The following RHEX variants were observed in gnomAD, a reference collection of about 807,000 sequenced individuals.
RHEX encodes regulator of hemoglobinization and erythroid cell expansion protein.
In RHEX, 18 loss-of-function variants were observed where a neutral mutation model predicts 20.1. That is an observed-to-expected ratio of 0.90 (90% CI 0.62 to 1.33). The LOEUF (loss-of-function observed/expected upper bound fraction) is 1.33. Among genes scored for constraint, RHEX ranks in the 40% most tolerant of loss-of-function variants. The pLI, the probability that RHEX is intolerant of heterozygous loss-of-function variation, is 0.00. For missense variants in RHEX, 192 were observed against 214.3 expected, an observed-to-expected ratio of 0.90 and a Z score of 0.65; for synonymous variants, 87 against 77.1, an observed-to-expected ratio of 1.13 and a Z score of -0.67.
At chr1:206,083,004 G>T (rs558089885) in intron 1 of RHEX, among the ~76,000 whole-genome samples, 18 of 152,172 alleles carry the variant, frequency 1.2e-4, no homozygotes, top group Non-Finnish European at 2.4e-4. Context: ...AGCCATTTTT[G>T]GTTGGCCTCA....
intron 1 of RHEX, among the ~76,000 whole-genome samples, chr1:206,096,462 C>T (rs1553287669): frequency 6.6e-6 from 1 of 152,272 alleles, no homozygotes; most frequent in East Asian, 1.9e-4. Flanking sequence ...TCATTTCTTT[C>T]ACGATACAAT....
At chr1:206,058,416 T>C (rs192031975) in intron 1 of RHEX, among the ~76,000 whole-genome samples, 1 of 152,342 alleles carries the variant, frequency 6.6e-6, no homozygotes, top group African/African-American at 2.4e-5. Flanking sequence ...AGTGAGAGTC[T>C]CAAAGAGGGG....
intron 1 of RHEX, among the ~76,000 whole-genome samples, chr1:206,090,100 A>C (rs1404744552): frequency 1.3e-5 from 2 of 151,506 alleles, no homozygotes. Flanking sequence ...AACTACTCTT[A>C]TAACATTTAT....
At chr1:206,084,446 A>G (rs1455310982) in intron 1 of RHEX, among the ~76,000 whole-genome samples, 1 of 152,202 alleles carries the variant, frequency 6.6e-6, no homozygotes, top group Admixed American at 6.5e-5. Flanking sequence ...TTTCCAGTTG[A>G]AGAAACTGAG....
At chr1:206,054,325 T>C (rs1488787328) in intron 1 of RHEX, among the ~76,000 whole-genome samples, 3 of 152,240 alleles carry the variant, frequency 2.0e-5, no homozygotes, top group Non-Finnish European at 4.4e-5. Flanking sequence ...CAAAAAATGT[T>C]GTATAATTTA....
At chr1:206,068,202 G>A (rs1662465854) in intron 1 of RHEX, among the ~76,000 whole-genome samples, 1 of 152,142 alleles carries the variant, frequency 6.6e-6, no homozygotes, top group Admixed American at 6.5e-5. Context: ...CGTATTATGT[G>A]GTTACCTGTT....
At chr1:206,100,567 C>T (rs1305408075) in intron 4 of RHEX, among the ~76,000 whole-genome samples, 1 of 152,220 alleles carries the variant, frequency 6.6e-6, no homozygotes, top group African/African-American at 2.4e-5. Flanking sequence ...CTTACCCTAA[C>T]CCCTGGCCCC....
intron 1 of RHEX, among the ~76,000 whole-genome samples, chr1:206,091,930 T>G (rs1258206435): frequency 6.6e-6 from 1 of 152,136 alleles, no homozygotes; most frequent in Non-Finnish European, 1.5e-5. Context: ...GAATAATAAT[T>G]ATGTGTTCCT....
At chr1:206,057,255 C>T (rs1662211600) in intron 1 of RHEX, among the ~76,000 whole-genome samples, 1 of 152,266 alleles carries the variant, frequency 6.6e-6, no homozygotes, top group African/African-American at 2.4e-5. Flanking sequence ...GGAACCGTAA[C>T]AGGAGATCAA....
chr1:206,068,972 G>A (rs1553284420), intron 1 of RHEX, among the ~76,000 whole-genome samples: 4 of 152,202 alleles, frequency 2.6e-5, no homozygotes, highest in African/African-American at 7.2e-5. Flanking sequence ...CCCAGAAAGG[G>A]TGCAGAGTAG....
At chr1:206,064,624 C>T (rs1455066578) in intron 1 of RHEX, among the ~76,000 whole-genome samples, 4 of 145,278 alleles carry the variant, frequency 2.8e-5, no homozygotes, top group Non-Finnish European at 3.0e-5. Context: ...CCCCTCTGCC[C>T]GGCCGGCCGC....
intron 4 of RHEX, 58 bp from the exon 5 acceptor site, chr1:206,101,078 C>A: frequency 7.3e-7 from 1 of 1,369,646 alleles, no homozygotes; most frequent in Non-Finnish European, 1.0e-6. Context: ...TTGTCTCTAT[C>A]CTCTCTTAAC....
intron 1 of RHEX, among the ~76,000 whole-genome samples, chr1:206,094,504 G>A (rs1571872220): frequency 6.6e-6 from 1 of 152,218 alleles, no homozygotes; most frequent in Non-Finnish European, 1.5e-5. Flanking sequence ...ATTGTATAAA[G>A]GTCTTTACAA....
chr1:206,076,076 C>A (rs999615979), intron 1 of RHEX, among the ~76,000 whole-genome samples: 1 of 151,920 alleles, frequency 6.6e-6, no homozygotes, highest in African/African-American at 2.4e-5. Flanking sequence ...CTGCGAGAAG[C>A]AAAAACTTGT....
At chr1:206,095,940 A>C (rs1294038183) in intron 1 of RHEX, among the ~76,000 whole-genome samples, 1 of 151,778 alleles carries the variant, frequency 6.6e-6, no homozygotes. Flanking sequence ...TGATCCTCCC[A>C]CCTCAGCCTC....
chr1:206,058,910 A>G (rs1255817719), intron 1 of RHEX, among the ~76,000 whole-genome samples: 1 of 152,088 alleles, frequency 6.6e-6, no homozygotes, highest in African/African-American at 2.4e-5. Context: ...TCGTCCTGCT[A>G]CAACTGGACT....
Position 206,102,263 on chromosome 1 carries a change from A to G in RHEX, c.*311A>G, listed in dbSNP as rs527698500. The G allele has an allele frequency of 3.2e-4, 120 of 380,126 alleles. 1 individual carries two copies. In the South Asian group the frequency reaches 3.7e-3, roughly 12 times the overall value. 23.5% of individuals were successfully genotyped at this position (380,126 alleles called of 1,614,324 possible). On this transcript the variant is annotated 3_prime_UTR_variant, in exon 6 of 6. Transcript: ENST00000331555. ...AAGAACTTTCAGGTAAAGTATGAGA[A>G]CTATGGAGTCCATCAGCAGAGATAG...
intron 1 of RHEX, chr1:206,083,603 C>T: frequency 1.0e-6 from 1 of 985,454 alleles, no homozygotes; most frequent in African/African-American, 1.7e-5. Flanking sequence ...TCCGTTAGGA[C>T]ATCGCTGAAA....
intron 3 of RHEX, 45 bp from the exon 4 acceptor site, chr1:206,099,610 C>A (rs782523456): frequency 6.3e-7 from 1 of 1,597,112 alleles, no homozygotes; most frequent in Admixed American, 1.7e-5. Flanking sequence ...TGAGCTACTG[C>A]GCCTGGCCAG....
Sources: allele counts gnomAD v4.1 joint callset (sites outside exome capture counted in the v4.1 genomes callset), GRCh38; gene constraint gnomAD v4.1.1; transcripts MANE v1.5; gene names NCBI Gene and HGNC (gene_info 2026-07-23, HGNC 2026-07-21).